RARB: variants seen among roughly 807,000 people sequenced by gnomAD.
The protein encoded by RARB is HBV-activated protein.
A neutral mutation model predicts 51.9 loss-of-function variants in RARB; 17 were observed. The observed-to-expected ratio is 0.33, with a 90% CI of 0.22 to 0.49. The LOEUF is 0.49. RARB is among the 20% of genes least tolerant of loss of function. The pLI, the probability that RARB is intolerant of heterozygous loss-of-function variation, is 0.99. For synonymous variants in RARB, 215 were observed against 195.4 expected (o/e 1.10, Z -0.84); for missense variants, 369 against 550.8 (o/e 0.67, Z 3.30).
intron 5 of RARB, among the ~76,000 whole-genome samples, chr3:25,232,932 C>T (rs904713571): frequency 2.6e-5 from 4 of 151,114 alleles, no homozygotes; most frequent in Admixed American, 6.6e-5. Context: ...TAAGCTATGA[C>T]GCTGGGTATG....
chr3:25,102,186 C>T (rs1344730926), intron 3 of RARB, among the ~76,000 whole-genome samples: 1 of 152,140 alleles, frequency 6.6e-6, no homozygotes, highest in African/African-American at 2.4e-5. Flanking sequence ...AATGTCCCCA[C>T]AAAATAGTCT....
chr3:25,233,551 T>G (rs1702233077), intron 5 of RARB, among the ~76,000 whole-genome samples: 1 of 152,168 alleles, frequency 6.6e-6, no homozygotes, highest in African/African-American at 2.4e-5. Flanking sequence ...AATTACTTTA[T>G]TGCATGGCTA....
rs931530125 is a variant in RARB at position 25,574,046 on chromosome 3, A to G, written c.609+4128A>G. Among the ~76,000 whole-genome samples the G allele has an allele frequency of 3.3e-5, 5 of 152,262 alleles. No individual in the cohort carries two copies. The East Asian group carries it at 7.7e-4, about 24-fold the overall frequency. The stretch of plus-strand genomic sequence containing the variant: ...ACCCTCCGCCGCCATAAAAGGAGAG[A>G]GGGTGGATTCCCTGTGGAAAGGTGG... On this transcript the variant is annotated intron_variant, in intron 4 of 7. Transcript: ENST00000330688.
At chr3:25,097,884 A>G (rs1440004298) in intron 3 of RARB, among the ~76,000 whole-genome samples, 1 of 152,144 alleles carries the variant, frequency 6.6e-6, no homozygotes, top group African/African-American at 2.4e-5. Flanking sequence ...AATTCTGAGC[A>G]TGTACTGCAT....
chr3:25,062,802 G>T (rs1412402345), intron 3 of RARB, among the ~76,000 whole-genome samples: 1 of 151,906 alleles, frequency 6.6e-6, no homozygotes, highest in East Asian at 1.9e-4. Context: ...TTAGGTATAG[G>T]ATTTCTTTTT....
chr3:24,844,925 A>G (rs1352107695), intron 1 of RARB, among the ~76,000 whole-genome samples: 1 of 152,130 alleles, frequency 6.6e-6, no homozygotes, highest in African/African-American at 2.4e-5. Flanking sequence ...TTGGTCTTGG[A>G]AATATGGTGA....
At chr3:24,891,561 C>T (rs1274227015) in intron 2 of RARB, among the ~76,000 whole-genome samples, 1 of 152,182 alleles carries the variant, frequency 6.6e-6, no homozygotes, top group East Asian at 1.9e-4. Context: ...CCACCCCCAT[C>T]TCTATAAATA....
intron 4 of RARB, among the ~76,000 whole-genome samples, chr3:25,155,832 A>G (rs968771658): frequency 2.6e-5 from 4 of 152,118 alleles, no homozygotes; most frequent in Admixed American, 2.6e-4. Flanking sequence ...AGCATACCCC[A>G]TGCTGGCTCC....
chr3:25,311,105 A>C (rs995169371), intron 5 of RARB, among the ~76,000 whole-genome samples: 4 of 152,200 alleles, frequency 2.6e-5, no homozygotes, highest in Non-Finnish European at 5.9e-5. Context: ...TAGTGCAATC[A>C]AGGAAGGCTT....
At chr3:25,155,442 A>T (rs566769510) in intron 4 of RARB, among the ~76,000 whole-genome samples, 23 of 152,326 alleles carry the variant, frequency 1.5e-4, no homozygotes, top group African/African-American at 5.3e-4. Flanking sequence ...GAAGGGGCTC[A>T]GAATTGAATT....
chr3:25,320,486 C>T (rs139083083), intron 5 of RARB, among the ~76,000 whole-genome samples: 2 of 152,170 alleles, frequency 1.3e-5, no homozygotes, highest in Non-Finnish European at 2.9e-5. Flanking sequence ...CAATGAGAGG[C>T]CTGTCTGCCC....
chr3:25,115,009 A>G (rs1699662968), intron 3 of RARB, among the ~76,000 whole-genome samples: 1 of 152,224 alleles, frequency 6.6e-6, no homozygotes, highest in African/African-American at 2.4e-5. Context: ...CTCAAGGATG[A>G]TAATTACTTT....
chr3:25,209,328 CT>C (rs35149570), intron 5 of RARB, among the ~76,000 whole-genome samples: 1 of 152,126 alleles, frequency 6.6e-6, no homozygotes, highest in Admixed American at 6.5e-5. Context: ...GCATGAGCAC[CT>C]TTTTAGGTGC....
chr3:24,922,634 C>T (rs990799113), intron 2 of RARB, among the ~76,000 whole-genome samples: 3 of 152,112 alleles, frequency 2.0e-5, no homozygotes, highest in African/African-American at 7.2e-5. Flanking sequence ...CTAAATTATA[C>T]TGCCTCATGG....
intron 5 of RARB, among the ~76,000 whole-genome samples, chr3:25,196,630 C>A (rs1346294943): frequency 2.0e-5 from 3 of 152,132 alleles, no homozygotes; most frequent in South Asian, 4.1e-4. Context: ...GTTCTAGATT[C>A]TTGAGGAATC....
At chr3:24,951,971 A>C (rs187319067) in intron 2 of RARB, among the ~76,000 whole-genome samples, 3 of 152,352 alleles carry the variant, frequency 2.0e-5, no homozygotes, top group African/African-American at 7.2e-5. Context: ...TGCTCTATGC[A>C]GTGCATTGCA....
chr3:25,300,444 A>G (rs1704013772), intron 5 of RARB, among the ~76,000 whole-genome samples: 1 of 152,252 alleles, frequency 6.6e-6, no homozygotes, highest in Non-Finnish European at 1.5e-5. Context: ...AGAAGAAAGA[A>G]TATGACTGTC....
intron 4 of RARB, among the ~76,000 whole-genome samples, chr3:25,573,672 G>C (rs1286740): frequency 0.34 from 51,228 of 152,076 alleles, 8,681 homozygotes; most frequent in East Asian, 0.38. Context: ...CTCTTAGTTC[G>C]GAGTTGAGCA....
At chr3:24,942,322 G>A (rs1695683942) in intron 2 of RARB, among the ~76,000 whole-genome samples, 2 of 152,140 alleles carry the variant, frequency 1.3e-5, no homozygotes, top group Non-Finnish European at 2.9e-5. Flanking sequence ...CATCTAGAAA[G>A]CAATAATTAT....
Sources: gnomAD v4.1 joint callset for allele counts (sites outside exome capture counted in the v4.1 genomes callset) on GRCh38, gnomAD v4.1.1 for gene constraint, MANE v1.5 for transcripts, NCBI Gene and HGNC (gene_info 2026-07-23, HGNC 2026-07-21) for gene names.